TTC6: variants seen among roughly 807,000 people sequenced by gnomAD.
The protein encoded by TTC6 is tetratricopeptide repeat domain 6.
In TTC6, 172 loss-of-function variants were observed where a neutral mutation model predicts 210.4. The observed-to-expected ratio is 0.82, with a 90% CI of 0.72 to 0.93. The LOEUF (loss-of-function observed/expected upper bound fraction) is 0.93. Among genes scored for constraint, TTC6 ranks in the 40% least tolerant of loss-of-function variants. TTC6 has a pLI of 0.00. For missense variants in TTC6, 2,414 were observed against 2,318.1 expected (o/e 1.04, Z -0.85); for synonymous variants, 804 against 819.6 (o/e 0.98, Z 0.32).
At chr14:37,787,659 G>A in intron 15 of TTC6, 22 bp downstream of exon 17, 1 of 1,412,772 alleles carries the variant, frequency 7.1e-7, no homozygotes, top group South Asian at 1.6e-5. Context: ...TCAATTACAT[G>A]TATATAGCAA....
chr14:37,842,468 T>C (rs1436822990), downstream of TTC6: 7 of 497,070 alleles, frequency 1.4e-5, no homozygotes, highest in African/African-American at 4.0e-5. Context: ...ATAAAACATA[T>C]ATCATTTGCT....
chr14:37,631,225 G>T (rs911134416), intron 1 of TTC6, among the ~76,000 whole-genome samples: 5 of 151,926 alleles, frequency 3.3e-5, no homozygotes, highest in Admixed American at 6.6e-5. Context: ...TTACAATTTG[G>T]TATGTTTTTG....
chr14:37,633,877 C>T (rs2085942325), intron 1 of TTC6, among the ~76,000 whole-genome samples: 1 of 152,178 alleles, frequency 6.6e-6, no homozygotes, highest in Admixed American at 6.5e-5. Context: ...AGGAGGCCCC[C>T]ATCCCTGGTG....
At chr14:37,754,428 T>C (rs2095961539) in intron 14 of TTC6, among the ~76,000 whole-genome samples, 2 of 151,780 alleles carry the variant, frequency 1.3e-5, no homozygotes, top group Admixed American at 6.6e-5. Context: ...CTTATCTTTT[T>C]CTTTCTTTCT....
intron 1 of TTC6, among the ~76,000 whole-genome samples, chr14:37,636,150 T>G (rs926062417): frequency 6.6e-6 from 1 of 152,062 alleles, no homozygotes; most frequent in Non-Finnish European, 1.5e-5. Context: ...GAAGGAGAGA[T>G]AGACGAATTG....
At chr14:37,762,216 T>C (rs1425350152) in intron 14 of TTC6, among the ~76,000 whole-genome samples, 2 of 152,200 alleles carry the variant, frequency 1.3e-5, no homozygotes, top group African/African-American at 4.8e-5. Context: ...TTTTCTTTGC[T>C]TATTCATCTG....
At chr14:37,813,572 G>C (rs116063695) in intron 25 of TTC6, among the ~76,000 whole-genome samples, 2,653 of 152,252 alleles carry the variant, frequency 0.017, 76 homozygotes, top group African/African-American at 0.06. Context: ...CAATGCTGCC[G>C]AATTTATAAT....
chr14:37,637,158 A>G (rs956686841), intron 1 of TTC6, among the ~76,000 whole-genome samples: 1 of 144,448 alleles, frequency 6.9e-6, no homozygotes, highest in African/African-American at 2.4e-5. Flanking sequence ...CAAAACCACA[A>G]GAAAAAAAAC....
chr14:37,636,905 G>A (rs1253842615), intron 1 of TTC6, among the ~76,000 whole-genome samples: 1 of 152,164 alleles, frequency 6.6e-6, no homozygotes, highest in Non-Finnish European at 1.5e-5. Flanking sequence ...TTTATTGCAA[G>A]CTTTATTATT....
At chr14:37,596,434 T>G (rs1011434995) in intron 1 of TTC6, among the ~76,000 whole-genome samples, 1 of 152,240 alleles carries the variant, frequency 6.6e-6, no homozygotes, top group Non-Finnish European at 1.5e-5. Flanking sequence ...AGGGGCTCGC[T>G]TGGTTCCTAA....
At chr14:37,766,210 C>CT in intron 14 of TTC6, among the ~76,000 whole-genome samples, 1 of 152,038 alleles carries the variant, frequency 6.6e-6, no homozygotes, top group Non-Finnish European at 1.5e-5. Context: ...TTGGTTGTTT[C>CT]TTTTTTTAAC....
chr14:37,658,195 ATTC>A (rs1354876661), intron 1 of TTC6, among the ~76,000 whole-genome samples: 1 of 152,226 alleles, frequency 6.6e-6, no homozygotes, highest in Non-Finnish European at 1.5e-5. Flanking sequence ...CTTATGAAAT[ATTC>A]TTCTTTTTAA....
At chr14:37,756,738 A>G (rs764651128) in intron 14 of TTC6, among the ~76,000 whole-genome samples, 2 of 152,004 alleles carry the variant, frequency 1.3e-5, no homozygotes, top group Admixed American at 6.6e-5. Context: ...GTGCTGTTGG[A>G]TTTGGTTTGC....
intron 1 of TTC6, among the ~76,000 whole-genome samples, chr14:37,642,290 A>G (rs1262076668): frequency 6.6e-6 from 1 of 152,152 alleles, no homozygotes; most frequent in Non-Finnish European, 1.5e-5. Flanking sequence ...GTGGGTGTGG[A>G]ATGAGACTTG....
intron 14 of TTC6, among the ~76,000 whole-genome samples, chr14:37,777,927 G>T (rs79013727): frequency 6.6e-6 from 1 of 152,028 alleles, no homozygotes; most frequent in Non-Finnish European, 1.5e-5. Flanking sequence ...TCTAACTCTG[G>T]GGGAGTGGTA....
chr14:37,735,341 C>T (rs779146609), intron 7 of TTC6, among the ~76,000 whole-genome samples: 1 of 152,082 alleles, frequency 6.6e-6, no homozygotes, highest in Admixed American at 6.6e-5. Flanking sequence ...GAATTTAGGT[C>T]TTCTAGGTTT....
chr14:37,701,461 C>A lies in TTC6; in HGVS notation c.1506C>A (p.Thr502=), dbSNP rs549493768. The change falls in exon 5 of 31, where the codon ACC becomes ACA. Residue 502 remains threonine (T), a synonymous_variant. Coordinates refer to ENST00000553443, the Ensembl canonical transcript of TTC6. Reference sequence around the variant, plus strand: ...CTGCTAACAGGAAAGGCCACGATACCCTGCTTGGAAAATTTGGAACCTCTT... The same window carrying A: ...CTGCTAACAGGAAAGGCCACGATACACTGCTTGGAAAATTTGGAACCTCTT... 1.4e-5 allele frequency: 22 copies of A among 1,526,234 alleles called. No individual in the cohort carries two copies. The Admixed American group carries it at 2.3e-4, about 16-fold the overall frequency. The allele number at this position is 1,526,234 out of a possible 1,614,324, so 94.5% of individuals were successfully genotyped here.
intron 1 of TTC6, among the ~76,000 whole-genome samples, chr14:37,663,745 T>A (rs906168795): frequency 2.6e-5 from 4 of 152,082 alleles, no homozygotes; most frequent in African/African-American, 7.2e-5. Flanking sequence ...GCACTTACTT[T>A]AAAAAACCCT....
intron 1 of TTC6, among the ~76,000 whole-genome samples, chr14:37,636,949 G>A (rs1347847184): frequency 1.3e-5 from 2 of 152,170 alleles, no homozygotes; most frequent in Non-Finnish European, 2.9e-5. Context: ...TGATATTGGG[G>A]TGGAGGGGAG....
Sources: allele counts gnomAD v4.1 joint callset (sites outside exome capture counted in the v4.1 genomes callset), GRCh38; gene constraint gnomAD v4.1.1; transcripts MANE v1.5; gene names NCBI Gene and HGNC (gene_info 2026-07-23, HGNC 2026-07-21).